GRIA4: variants seen among roughly 807,000 people sequenced by gnomAD.
GRIA4 encodes glutamate receptor 4.
In GRIA4, 34 loss-of-function variants were observed where a neutral mutation model predicts 104.0. That is an observed-to-expected ratio of 0.33 (90% CI 0.25 to 0.44). The LOEUF (loss-of-function observed/expected upper bound fraction) is 0.44. Ranked by LOEUF, GRIA4 falls within the 20% of genes least tolerant of loss-of-function variation. The pLI, the probability that GRIA4 is intolerant of heterozygous loss-of-function variation, is 1.00. For synonymous variants in GRIA4, 386 were observed against 381.9 expected, an observed-to-expected ratio of 1.01 and a Z score of -0.13; for missense variants, 750 against 1,096.5, an observed-to-expected ratio of 0.68 and a Z score of 4.46.
chr11:105,621,819 A>G (rs938539269), intron 3 of GRIA4, among the ~76,000 whole-genome samples: 4 of 151,894 alleles, frequency 2.6e-5, no homozygotes, highest in African/African-American at 9.7e-5. Context: ...AACAACCAGC[A>G]TGTGAGAATA....
chr11:105,719,067 T>C (rs1954205225), intron 3 of GRIA4, among the ~76,000 whole-genome samples: 1 of 152,102 alleles, frequency 6.6e-6, no homozygotes, highest in Admixed American at 6.6e-5. Flanking sequence ...AAAAGGAAGG[T>C]GACTGCTGAC....
intron 3 of GRIA4, among the ~76,000 whole-genome samples, chr11:105,614,973 T>A (rs1057471310): frequency 1.3e-5 from 2 of 151,966 alleles, no homozygotes; most frequent in African/African-American, 4.8e-5. Context: ...TCTAGATAAT[T>A]AACATGAAAC....
intron 4 of GRIA4, among the ~76,000 whole-genome samples, chr11:105,794,473 G>GTATGTATGTATATA (rs1360490604): frequency 2.3e-5 from 1 of 43,920 alleles, no homozygotes; most frequent in Non-Finnish European, 4.0e-5. Flanking sequence ...GTATATGTAT[G>GTATGTATGTATATA]TATATATATA....
At chr11:105,717,330 A>G (rs1390354547) in intron 3 of GRIA4, among the ~76,000 whole-genome samples, 1 of 152,144 alleles carries the variant, frequency 6.6e-6, no homozygotes, top group Admixed American at 6.6e-5. Flanking sequence ...AAAGAAAAAA[A>G]AAATCTTAAT....
chr11:105,834,402 TGCATTACAAA>T (rs1300357444), intron 4 of GRIA4, among the ~76,000 whole-genome samples: 1 of 152,130 alleles, frequency 6.6e-6, no homozygotes, highest in Non-Finnish European at 1.5e-5. Context: ...TCTGTCCCCA[TGCATTACAAA>T]GCTAAATTCC....
At chr11:105,729,356 AATT>A (rs1400361945) in intron 3 of GRIA4, among the ~76,000 whole-genome samples, 1 of 152,220 alleles carries the variant, frequency 6.6e-6, no homozygotes, top group Non-Finnish European at 1.5e-5. Context: ...TTGAGGCAGT[AATT>A]AATAGCCTAC....
At chr11:105,746,644 A>G (rs1468190703) in intron 3 of GRIA4, among the ~76,000 whole-genome samples, 4 of 152,172 alleles carry the variant, frequency 2.6e-5, no homozygotes, top group African/African-American at 9.6e-5. Flanking sequence ...AAAGACCTCC[A>G]GTTCCATAGA....
At chr11:105,812,876 C>T (rs191763913) in intron 4 of GRIA4, among the ~76,000 whole-genome samples, 12 of 152,058 alleles carry the variant, frequency 7.9e-5, no homozygotes, top group East Asian at 1.9e-4. Flanking sequence ...CCAAGGCGGG[C>T]GGATCACGAG....
intron 9 of GRIA4, among the ~76,000 whole-genome samples, chr11:105,906,159 T>C (rs1947034915): frequency 6.6e-6 from 1 of 152,234 alleles, no homozygotes; most frequent in Admixed American, 6.5e-5. Flanking sequence ...GCCTGCTGTG[T>C]CCTAAGCACT....
intron 3 of GRIA4, among the ~76,000 whole-genome samples, chr11:105,656,929 G>C (rs1000243687): frequency 6.6e-6 from 1 of 151,836 alleles, no homozygotes; most frequent in Non-Finnish European, 1.5e-5. Flanking sequence ...ATGAACCAGA[G>C]AAAATAACAT....
intron 4 of GRIA4, among the ~76,000 whole-genome samples, chr11:105,796,506 G>A (rs1010628050): frequency 1.3e-5 from 2 of 152,098 alleles, no homozygotes; most frequent in Admixed American, 6.6e-5. Context: ...GATAAATACT[G>A]TGTCATTACT....
intron 3 of GRIA4, among the ~76,000 whole-genome samples, chr11:105,702,760 T>TCTCTG (rs1953549066): frequency 6.9e-6 from 1 of 144,318 alleles, no homozygotes. Context: ...AGAGGCATGA[T>TCTCTG]CTCTGCTCAC....
At chr11:105,930,852 A>G (rs942445041) in intron 13 of GRIA4, among the ~76,000 whole-genome samples, 2 of 152,124 alleles carry the variant, frequency 1.3e-5, no homozygotes, top group African/African-American at 4.8e-5. Flanking sequence ...TCTGTTTTCT[A>G]TGTCGTGTAC....
intron 3 of GRIA4, among the ~76,000 whole-genome samples, chr11:105,673,302 T>G (rs956544957): frequency 7.9e-5 from 12 of 152,112 alleles, no homozygotes; most frequent in Non-Finnish European, 1.5e-4. Context: ...TCCTCGGTGC[T>G]GAAACCATGG....
At chr11:105,706,562 T>C (rs1313087524) in intron 3 of GRIA4, 1 of 153,544 alleles carries the variant, frequency 6.5e-6, no homozygotes, top group African/African-American at 2.4e-5. Flanking sequence ...ATAAAAATAT[T>C]GAGGCTAAAC....
intron 3 of GRIA4, among the ~76,000 whole-genome samples, chr11:105,634,127 T>A (rs2135320890): frequency 6.6e-6 from 1 of 151,922 alleles, no homozygotes; most frequent in South Asian, 2.1e-4. Context: ...GGTGGGCAGA[T>A]CACGAGGTCA....
At chr11:105,655,128 C>A (rs1004745549) in intron 3 of GRIA4, among the ~76,000 whole-genome samples, 3 of 152,068 alleles carry the variant, frequency 2.0e-5, no homozygotes, top group African/African-American at 7.2e-5. Flanking sequence ...ATTACCAACA[C>A]CCTCATTTCC....
intron 3 of GRIA4, among the ~76,000 whole-genome samples, chr11:105,752,261 C>T (rs575552086): frequency 6.6e-6 from 1 of 152,216 alleles, no homozygotes; most frequent in African/African-American, 2.4e-5. Context: ...CTTTATTTGG[C>T]TTGCTTCTGT....
rs924268499 is a variant in GRIA4, at chr11:105,763,591, TA to T, written c.487+10377del. The stretch of plus-strand genomic sequence containing the variant: ...TATCTAAAGACCGTAGTCACAAGCA[TA>T]AAAAAGACTACATCCTTATCCTTTT... On this transcript the variant is annotated intron_variant, in intron 4 of 16. Transcript: ENST00000282499. Among the ~76,000 whole-genome samples the T allele has an allele frequency of 2.0e-5, 3 of 152,146 alleles. No homozygotes were observed. The South Asian group carries it at 6.2e-4, about 31-fold the overall frequency.
Sources: gnomAD v4.1 joint callset for allele counts (sites outside exome capture counted in the v4.1 genomes callset) on GRCh38, gnomAD v4.1.1 for gene constraint, MANE v1.5 for transcripts, NCBI Gene and HGNC (gene_info 2026-07-23, HGNC 2026-07-21) for gene names.